Variants in DNAJC11 observed in about 807,000 individuals in gnomAD.
DNAJC11 encodes dnaJ homolog subfamily C member 11.
A neutral mutation model predicts 78.6 loss-of-function variants in DNAJC11; 15 were observed. The ratio of observed to expected loss-of-function variants is 0.19; its 90% CI spans 0.13 to 0.29. The LOEUF is 0.29. Among genes scored for constraint, DNAJC11 ranks in the 10% least tolerant of loss-of-function variants. The pLI is 1.00. For synonymous variants in DNAJC11, 292 were observed against 272.1 expected, an observed-to-expected ratio of 1.07 and a Z score of -0.72; for missense variants, 547 against 709.6, an observed-to-expected ratio of 0.77 and a Z score of 2.60.
At chr1:6,656,100 TAA>T (rs749444041) in intron 4 of DNAJC11, among the ~76,000 whole-genome samples, 8 of 88,862 alleles carry the variant, frequency 9.0e-5, no homozygotes, top group African/African-American at 1.7e-4. Flanking sequence ...AGACTCCGTC[TAA>T]AAAAAAAAAA....
chr1:6,687,781 G>A (rs753690458), intron 1 of DNAJC11, among the ~76,000 whole-genome samples: 16 of 151,920 alleles, frequency 1.1e-4, no homozygotes, highest in Non-Finnish European at 2.2e-4. Context: ...GGGATTCATC[G>A]TCAAACAGAA....
At chr1:6,660,013 G>A (rs1346714996) in intron 4 of DNAJC11, among the ~76,000 whole-genome samples, 4 of 149,806 alleles carry the variant, frequency 2.7e-5, no homozygotes, top group Admixed American at 6.6e-5. Context: ...CCGAGATTGC[G>A]CCACTGCACT....
At chr1:6,679,745 C>T (rs950079733) in intron 2 of DNAJC11, among the ~76,000 whole-genome samples, 1 of 152,204 alleles carries the variant, frequency 6.6e-6, no homozygotes. Context: ...GCTGTTGTGG[C>T]ACTTTCACTA....
chr1:6,658,093 ACTC>A (rs558818582), intron 4 of DNAJC11, among the ~76,000 whole-genome samples: 64 of 152,302 alleles, frequency 4.2e-4, no homozygotes, highest in African/African-American at 1.5e-3. Flanking sequence ...GTGCATCGAT[ACTC>A]CTCATCTGCT....
Position 6,637,306 on chromosome 1 carries a change from A to G in DNAJC11, c.1416T>C (p.Phe472=), listed in dbSNP as rs1253166934. The G allele has an allele frequency of 1.2e-5, 19 of 1,614,188 alleles. No individual in the cohort carries two copies. Among genetic ancestry groups the G allele is most frequent in the Non-Finnish European group, 1.6e-5 (19 of 1,180,034 alleles). Residue 472 remains phenylalanine (F), a synonymous_variant, in exon 14 of 16, where the codon TTT becomes TTC. Transcript: ENST00000377577. ...CGCTCTTCCTGCTCTTGTCATTGAC[A>G]AACTTCCCGTACCAGGCATTGACGA... The part of the protein sequence containing the change: ...LIIVNAWYGK[F]VNDKSRKSEK...
rs764431940 is a variant in DNAJC11, at chr1:6,634,644, G to A, written c.*1031C>T. The A allele has an allele frequency of 2.4e-5, 33 of 1,366,400 alleles. No homozygotes were observed. The highest frequency in any genetic ancestry group is 3.0e-5 in the African/African-American group (2 of 67,772). The allele number at this position is 1,366,400 out of a possible 1,614,324, so 84.6% of individuals were successfully genotyped here. ...CTTTACTGCAGCCGAGGTCCAGGCCGTGGAGGGGGTCCTAGCTCCGCTGCA... is the reference window on the plus strand; with the variant it reads ...CTTTACTGCAGCCGAGGTCCAGGCCATGGAGGGGGTCCTAGCTCCGCTGCA... On this transcript the variant is annotated 3_prime_UTR_variant, in exon 16 of 16. Transcript: ENST00000377577.
rs533034551 is a variant in DNAJC11 at position 6,668,995 on chromosome 1, T to C, written c.277-1185A>G. Among the ~76,000 whole-genome samples, 413 of 151,916 alleles carry C rather than the reference T, an allele frequency of 2.7e-3. 1 individual carries two copies. The highest frequency in any genetic ancestry group is 3.9e-3 in the Non-Finnish European group (265 of 67,972). On this transcript the variant is annotated intron_variant, in intron 3 of 15. Coordinates refer to ENST00000377577, the MANE Select transcript of DNAJC11 (RefSeq NM_018198.4). Reference sequence around the variant, plus strand: ...TCAGGTCAGGAGTTCAAGACCAACCTGGCCAACATGGCGAAACACCATCTC... The same window carrying C: ...TCAGGTCAGGAGTTCAAGACCAACCCGGCCAACATGGCGAAACACCATCTC...
intron 7 of DNAJC11, among the ~76,000 whole-genome samples, chr1:6,649,271 G>T (rs1391239208): frequency 6.6e-6 from 1 of 151,898 alleles, no homozygotes; most frequent in Non-Finnish European, 1.5e-5. Context: ...CTGGGTTCAC[G>T]CCATTCTCCT....
chr1:6,676,082 C>T (rs1642458378), intron 3 of DNAJC11, among the ~76,000 whole-genome samples: 1 of 152,146 alleles, frequency 6.6e-6, no homozygotes, highest in Non-Finnish European at 1.5e-5. Flanking sequence ...GGCTTAATAC[C>T]TAGCTGCAAT....
chr1:6,692,085 CAA>C (rs1349484423), intron 1 of DNAJC11, among the ~76,000 whole-genome samples: 2 of 152,134 alleles, frequency 1.3e-5, no homozygotes, highest in East Asian at 3.8e-4. Flanking sequence ...ACAGCAAATA[CAA>C]AAGTTTTCCA....
intron 1 of DNAJC11, among the ~76,000 whole-genome samples, chr1:6,684,663 G>GA (rs1249759023): frequency 6.6e-6 from 1 of 152,060 alleles, no homozygotes; most frequent in East Asian, 1.9e-4. Context: ...CATTAAAACT[G>GA]AATAGCTAAG....
chr1:6,664,411 TG>T lies in DNAJC11; in HGVS notation c.378+3297del, dbSNP rs552995322. On this transcript the variant is annotated intron_variant, in intron 4 of 15. Transcript: ENST00000377577. ...CCTGCCACCACACCCGGCTAATTTT[TG>T]TATTTTTAGTAGAGACAGGGTTTCA... is the stretch of plus-strand genomic sequence containing the variant. 1.8e-4 allele frequency among the ~76,000 whole-genome samples: 28 copies of T among 152,224 alleles called. No homozygotes were observed. In the South Asian group the frequency reaches 5.6e-3, roughly 30 times the overall value.
chr1:6,634,761 A>AT lies in DNAJC11; in HGVS notation c.*913_*914insA. The AT allele has an allele frequency of 7.5e-7, 1 of 1,334,210 alleles. No individual in the cohort carries two copies. Among genetic ancestry groups the AT allele is most frequent in the Non-Finnish European group, 1.0e-6 (1 of 1,004,764 alleles). The allele number at this position is 1,334,210 out of a possible 1,614,324, so 82.6% of individuals were successfully genotyped here. ...GTTCCTGTGAGGACGCTGGACCTGC[A>AT]GGAGCGGGGAGCTGCAGTGCCACCT... On this transcript the variant is annotated 3_prime_UTR_variant, in exon 16 of 16. Transcript: ENST00000377577.
At chr1:6,643,830 T>G (rs1297278746) in intron 10 of DNAJC11, among the ~76,000 whole-genome samples, 4 of 152,162 alleles carry the variant, frequency 2.6e-5, no homozygotes, top group Non-Finnish European at 5.9e-5. Flanking sequence ...GTGTTGGAAC[T>G]ATGCACTGCT....
At chr1:6,691,419 A>T (rs1277531877) in intron 1 of DNAJC11, among the ~76,000 whole-genome samples, 1 of 152,146 alleles carries the variant, frequency 6.6e-6, no homozygotes, top group Non-Finnish European at 1.5e-5. Context: ...GTTCATATAT[A>T]TATTTGTTGC....
intron 3 of DNAJC11, among the ~76,000 whole-genome samples, chr1:6,673,195 CAAAAAAA>C (rs70981399): frequency 2.0e-3 from 77 of 39,306 alleles, no homozygotes; most frequent in African/African-American, 8.2e-3. Flanking sequence ...AACTCCATCT[CAAAAAAA>C]AAAAAAAAAA....
In DNAJC11 at chr1:6,645,136, CAG is replaced by C; in HGVS notation, c.895-12_895-11del. On this transcript the variant is annotated splice_polypyrimidine_tract_variant and intron_variant, in intron 8 of 15. Transcript: ENST00000377577. The surrounding 1 kb of genome is among the most constrained non-coding windows in gnomAD (Gnocchi z 4.1). ...AGTGAGGGATTCCCAGCTGGGGAGA[CAG>C]AGGGTGCAAGGATGCGTGGCTAGGG... The C allele has an allele frequency of 1.2e-6, 2 of 1,609,708 alleles. No individual in the cohort carries two copies. Among genetic ancestry groups the C allele is most frequent in the Non-Finnish European group, 1.7e-6 (2 of 1,176,440 alleles).
chr1:6,673,033 T>G (rs191482485), intron 3 of DNAJC11, among the ~76,000 whole-genome samples: 1 of 151,968 alleles, frequency 6.6e-6, no homozygotes, highest in Admixed American at 6.6e-5. Flanking sequence ...CTGTCTCTAC[T>G]AAAAATACAA....
At chr1:6,650,699 C>G (rs571972206) in intron 7 of DNAJC11, among the ~76,000 whole-genome samples, 1 of 152,050 alleles carries the variant, frequency 6.6e-6, no homozygotes, top group East Asian at 1.9e-4. Flanking sequence ...CATGGTGAAA[C>G]CCCATCTCTA....
Sources: allele counts gnomAD v4.1 joint callset (sites outside exome capture counted in the v4.1 genomes callset), GRCh38; gene constraint gnomAD v4.1.1; non-coding constraint Gnocchi (gnomAD v3.1); transcripts MANE v1.5; gene names NCBI Gene and HGNC (gene_info 2026-07-23, HGNC 2026-07-21).